The following TRPM3 variants were observed in gnomAD, a reference collection of about 807,000 sequenced individuals.
The protein encoded by TRPM3 is long transient receptor potential channel 3.
A neutral mutation model predicts 181.2 loss-of-function variants in TRPM3; 77 were observed. The ratio of observed to expected loss-of-function variants is 0.42; its 90% CI spans 0.35 to 0.51. TRPM3 has a LOEUF of 0.51. Ranked by LOEUF, TRPM3 falls within the 20% of genes least tolerant of loss-of-function variation. The pLI is 0.01. For missense variants in TRPM3, 1,759 were observed against 2,196.7 expected (o/e 0.80, Z 3.98); for synonymous variants, 745 against 796.4 (o/e 0.94, Z 1.09).
chr9:71,011,469 A>G (rs1241705511), intron 1 of TRPM3, among the ~76,000 whole-genome samples: 1 of 152,134 alleles, frequency 6.6e-6, no homozygotes, highest in Non-Finnish European at 1.5e-5. Flanking sequence ...TAAATAAAAG[A>G]GACTACTTGC....
chr9:70,935,326 C>T (rs1253298718), intron 1 of TRPM3, among the ~76,000 whole-genome samples: 2 of 152,120 alleles, frequency 1.3e-5, no homozygotes, highest in East Asian at 3.8e-4. Context: ...GGCAAGGGAC[C>T]CAATTCACTC....
intron 1 of TRPM3, among the ~76,000 whole-genome samples, chr9:70,915,984 A>T (rs1413652591): frequency 6.6e-6 from 1 of 152,212 alleles, no homozygotes; most frequent in Non-Finnish European, 1.5e-5. Flanking sequence ...AATGAATACT[A>T]AAAGCAGCAA....
intron 1 of TRPM3, among the ~76,000 whole-genome samples, chr9:71,304,826 G>T (rs981440210): frequency 6.6e-6 from 1 of 152,142 alleles, no homozygotes; most frequent in Admixed American, 6.5e-5. Flanking sequence ...TGTTTTACTG[G>T]TTAGTTTGGT....
At chr9:71,125,648 A>C (rs2073986821), upstream of TRPM3, among the ~76,000 whole-genome samples, 1 of 152,166 alleles carries the variant, frequency 6.6e-6, no homozygotes. Context: ...GTAGTGCTGC[A>C]ATGAACATAG....
At chr9:71,274,265 ACCCT>A (rs2084020361) in intron 1 of TRPM3, among the ~76,000 whole-genome samples, 1 of 151,732 alleles carries the variant, frequency 6.6e-6, no homozygotes, top group African/African-American at 2.4e-5. Flanking sequence ...TCTACAGAAA[ACCCT>A]CCCTATGTCA....
At chr9:70,653,046 A>T (rs1195620682) in intron 9 of TRPM3, among the ~76,000 whole-genome samples, 1 of 152,140 alleles carries the variant, frequency 6.6e-6, no homozygotes, top group Non-Finnish European at 1.5e-5. Flanking sequence ...AAGGGGGAAA[A>T]GCCCTCGGAA....
chr9:71,423,947 A>G (rs1020858596), intron 1 of TRPM3, among the ~76,000 whole-genome samples: 1 of 152,110 alleles, frequency 6.6e-6, no homozygotes, highest in Non-Finnish European at 1.5e-5. Context: ...CTTGTTAAGG[A>G]CAAGTTGACA....
intron 1 of TRPM3, among the ~76,000 whole-genome samples, chr9:71,330,874 A>G (rs2090060863): frequency 1.3e-5 from 2 of 151,798 alleles, no homozygotes; most frequent in Admixed American, 1.3e-4. Flanking sequence ...GGGTTTCCAT[A>G]GCCTCAGGAG....
chr9:70,865,043 G>C (rs917853896), intron 1 of TRPM3, among the ~76,000 whole-genome samples: 1 of 148,602 alleles, frequency 6.7e-6, no homozygotes, highest in South Asian at 2.2e-4. Flanking sequence ...AGTACAGGGG[G>C]GTTGGGGGGG....
chr9:70,893,062 G>T (rs1366797858), intron 1 of TRPM3, among the ~76,000 whole-genome samples: 1 of 152,118 alleles, frequency 6.6e-6, no homozygotes, highest in Non-Finnish European at 1.5e-5. Flanking sequence ...TGAAAAAGAG[G>T]CAATGTTGAT....
intron 19 of TRPM3, among the ~76,000 whole-genome samples, chr9:70,605,576 G>A (rs1050896847): frequency 2.0e-5 from 3 of 152,044 alleles, no homozygotes; most frequent in Non-Finnish European, 4.4e-5. Flanking sequence ...GTAGGACGCT[G>A]TTTAAAAATC....
At position 71,347,344 on chromosome 9, in the gene TRPM3, G is replaced by A. The variant is rs79372149; in HGVS notation, c.183+99309C>T. On this transcript the variant is annotated intron_variant, in intron 1 of 24. Transcript: ENST00000357533. ...TCATAAGCATCTGCAGTTTTCCCCC[G>A]CAAAGAGTTGAGGTTTTCTTGTTTT... 7.6e-3 allele frequency among the ~76,000 whole-genome samples: 1,156 copies of A among 152,184 alleles called. 9 individuals carry two copies. Among genetic ancestry groups the A allele is most frequent in the Non-Finnish European group, 9.9e-3 (670 of 67,998 alleles).
intron 1 of TRPM3, among the ~76,000 whole-genome samples, chr9:71,043,553 T>C (rs1488148315): frequency 6.6e-6 from 1 of 152,210 alleles, no homozygotes; most frequent in Non-Finnish European, 1.5e-5. Flanking sequence ...TATTTTGGAC[T>C]TTCCTCCATT....
chr9:71,204,076 G>C (rs1350742102), intron 1 of TRPM3, among the ~76,000 whole-genome samples: 3 of 151,416 alleles, frequency 2.0e-5, no homozygotes, highest in Non-Finnish European at 2.9e-5. Flanking sequence ...ATGGATTAAA[G>C]ACTTAAACAT....
chr9:70,928,457 A>G (rs541912954), intron 1 of TRPM3, among the ~76,000 whole-genome samples: 18 of 152,320 alleles, frequency 1.2e-4, no homozygotes, highest in African/African-American at 4.3e-4. Flanking sequence ...CCTGATCCCA[A>G]GAGAACCCAT....
chr9:71,150,085 T>C (rs72731795), intron 1 of TRPM3, among the ~76,000 whole-genome samples: 14,568 of 150,968 alleles, frequency 0.096, 812 homozygotes, highest in African/African-American at 0.15. Context: ...AAGAAATAAC[T>C]GAAAAAGTTA....
chr9:70,931,946 C>T (rs1466410904), intron 1 of TRPM3, among the ~76,000 whole-genome samples: 1 of 152,128 alleles, frequency 6.6e-6, no homozygotes, highest in Non-Finnish European at 1.5e-5. Flanking sequence ...CTGTTCAAAA[C>T]ACATGTTTAT....
chr9:71,360,706 A>G (rs1449127792), intron 1 of TRPM3, among the ~76,000 whole-genome samples: 1 of 152,226 alleles, frequency 6.6e-6, no homozygotes, highest in Admixed American at 6.5e-5. Flanking sequence ...TTGGAATCAG[A>G]TAAAACAGTC....
At position 70,534,648 on chromosome 9, in the gene TRPM3, G is replaced by A. The variant is rs1316599028; in HGVS notation, c.*1305C>T. ...TCTATAAGAAAAATATTCATGGTAT[G>A]CTTGCAACTGATGGCTTTGGGTTGA... On this transcript the variant is annotated 3_prime_UTR_variant, in exon 26 of 26. Coordinates refer to ENST00000677713, the MANE Select transcript of TRPM3 (RefSeq NM_001366145.2). The A allele has an allele frequency of 1.3e-5, 2 of 152,070 alleles. No individual in the cohort carries two copies. The highest frequency in any genetic ancestry group is 4.8e-5 in the African/African-American group (2 of 41,416). 9.4% of individuals were successfully genotyped at this position (152,070 alleles called of 1,614,324 possible). A position where few individuals can be genotyped will look rare whatever the true frequency, so the allele number is the denominator to read the frequency against.
Sources: gnomAD v4.1 joint callset for allele counts (sites outside exome capture counted in the v4.1 genomes callset) on GRCh38, gnomAD v4.1.1 for gene constraint, MANE v1.5 for transcripts, NCBI Gene and HGNC (gene_info 2026-07-23, HGNC 2026-07-21) for gene names.